The following INMT variants were observed in gnomAD, a reference collection of about 807,000 sequenced individuals.
INMT encodes the protein indolethylamine N-methyltransferase.
INMT carries 11 observed loss-of-function variants against 11.5 expected under a neutral mutation model. The ratio of observed to expected loss-of-function variants is 0.95; its 90% CI spans 0.60 to 1.58. The LOEUF (loss-of-function observed/expected upper bound fraction) is 1.58. Ranked by LOEUF, INMT falls within the 40% of genes most tolerant of loss-of-function variation. The pLI, the probability that INMT is intolerant of heterozygous loss-of-function variation, is 0.00. For missense variants in INMT, 316 were observed against 336.1 expected (o/e 0.94, Z 0.47); for synonymous variants, 155 against 142.9 (o/e 1.08, Z -0.60).
chr7:30,756,861 T>G lies in INMT; in HGVS notation c.*1010T>G, dbSNP rs960502465. 3 of 152,216 alleles carry G rather than the reference T, an allele frequency of 2.0e-5. No homozygotes were observed. Among genetic ancestry groups the G allele is most frequent in the Non-Finnish European group, 4.4e-5 (3 of 68,046 alleles). The allele number at this position is 152,216 out of a possible 1,614,324, so 9.4% of individuals were successfully genotyped here. ...ATCTCCTAAATATTTTACAGTTGACTCTCATGAGCTGATTGGAGTCAGCTG... is the reference window on the plus strand; with the variant it reads ...ATCTCCTAAATATTTTACAGTTGACGCTCATGAGCTGATTGGAGTCAGCTG... On this transcript the variant is annotated 3_prime_UTR_variant, in exon 3 of 3. Transcript: ENST00000013222.
chr7:30,752,953 G>A (rs896984290), intron 1 of INMT, among the ~76,000 whole-genome samples: 1 of 152,192 alleles, frequency 6.6e-6, no homozygotes, highest in African/African-American at 2.4e-5. Context: ...ACTTGACTGG[G>A]GAACAGTAAG....
In INMT at chr7:30,752,320, C is replaced by A; in HGVS notation, c.154+16C>A. ...TTCGGCCCTGGTGAGCAGAGGGTGG[C>A]CCTTCCCCTTGAGCCTCTCTCCAAG... is the stretch of plus-strand genomic sequence containing the variant. On this transcript the variant is annotated intron_variant, in intron 1 of 2. Transcript: ENST00000013222. 2 of 1,604,702 alleles carry A rather than the reference C, an allele frequency of 1.2e-6. No homozygotes were observed. Among genetic ancestry groups the A allele is most frequent in the Non-Finnish European group, 1.7e-6 (2 of 1,172,062 alleles).
Position 30,753,955 on chromosome 7 carries a change from TG to T in INMT, c.362+21del, listed in dbSNP as rs767126501. The T allele has an allele frequency of 6.2e-7, 1 of 1,610,524 alleles. No homozygotes were observed. Among genetic ancestry groups the T allele is most frequent in the South Asian group, 1.1e-5 (1 of 90,892 alleles). On this transcript the variant is annotated intron_variant, in intron 2 of 2. Transcript: ENST00000013222. ...AGGAAACAGGTAGGGGTGCAGAGGT[TG>T]GGGAGGGGGTTCCCAGTCAACCTTC...
Position 30,755,921 on chromosome 7 carries a change from A to G in INMT, c.*70A>G. The stretch of plus-strand genomic sequence containing the variant: ...GCCATCTGTATGCTAGAGAGGGGTG[A>G]GGAATGGATACTGTCTAACAGTCTC... On this transcript the variant is annotated 3_prime_UTR_variant, in exon 3 of 3. Transcript: ENST00000013222. The G allele has an allele frequency of 2.6e-6, 4 of 1,524,956 alleles. No homozygotes were observed. The highest frequency in any genetic ancestry group is 3.5e-6 in the Non-Finnish European group (4 of 1,141,474). 94.5% of individuals were successfully genotyped at this position (1,524,956 alleles called of 1,614,324 possible). A position where few individuals can be genotyped will look rare whatever the true frequency, so the allele number is the denominator to read the frequency against.
Position 30,757,465 on chromosome 7 carries a change from GA to G in INMT, c.*1616del. On this transcript the variant is annotated 3_prime_UTR_variant, in exon 3 of 3. Transcript: ENST00000013222. ...GAGAAAAAGTTAAGCTGCTGACCCT[GA>G]AGGCAAGGGAGAGCAGGCTGCACAG... 5.3e-6 allele frequency: 1 copy of G among 187,808 alleles called. No individual in the cohort carries two copies. The highest frequency in any genetic ancestry group is 6.1e-5 in the Admixed American group (1 of 16,268). The allele number at this position is 187,808 out of a possible 1,614,324, so 11.6% of individuals were successfully genotyped here.
chr7:30,753,829 G>C lies in INMT; in HGVS notation c.253G>C (p.Asp85His). ...CDSFQDITLS[D>H]FTDRNREELE... is the part of the protein sequence containing the mutation. Reference sequence around the variant, plus strand: ...TTCCTTCCAAGACATCACTCTCTCCGACTTTACCGACCGCAACCGGGAGGA... The same window carrying C: ...TTCCTTCCAAGACATCACTCTCTCCCACTTTACCGACCGCAACCGGGAGGA... Residue 85 changes from aspartate (D) to histidine (H), a missense_variant, in exon 2 of 3, where the codon GAC becomes CAC. By Grantham distance (81) the Asp-to-His change is moderately conservative (BLOSUM62 -1). Coordinates refer to ENST00000013222, the MANE Select transcript of INMT (RefSeq NM_006774.5). The C allele has an allele frequency of 6.2e-7, 1 of 1,614,168 alleles. No individual in the cohort carries two copies.
At chr7:30,753,470 C>T (rs766704951) in intron 1 of INMT, among the ~76,000 whole-genome samples, 33 of 152,230 alleles carry the variant, frequency 2.2e-4, no homozygotes, top group Admixed American at 1.6e-3. Context: ...AATTGTTTAA[C>T]CTTTTACAGA....
Position 30,755,542 on chromosome 7 carries a change from C to T in INMT, c.483C>T (p.Leu161=). ...TGTTGCCTCTCGCCGACTGTGTGCT[C>T]ACCCTGCTGGCCATGGAGTGTGCCT... is the stretch of plus-strand genomic sequence containing the variant. The part of the protein sequence containing the change: ...PAVLPLADCV[L]TLLAMECACC... Residue 161 remains leucine, a synonymous_variant, in exon 3 of 3, where the codon CTC becomes CTT. Transcript: ENST00000013222. 6.2e-7 allele frequency: 1 copy of T among 1,612,534 alleles called. No homozygotes were observed. The highest frequency in any genetic ancestry group is 8.5e-7 in the Non-Finnish European group (1 of 1,180,018).
At chr7:30,752,353 G>A (rs1341218323) in intron 1 of INMT, 49 bp downstream of exon 1, 4 of 1,492,910 alleles carry the variant, frequency 2.7e-6, no homozygotes, top group Non-Finnish European at 3.7e-6. Context: ...AAGGAACCTG[G>A]ATGGGGATGG....
rs149212813 is a variant in INMT, at chr7:30,753,749, C to T, written c.173C>T (p.Thr58Met). 2.7e-4 allele frequency: 435 copies of T among 1,614,154 alleles called. 1 individual carries two copies. Among genetic ancestry groups the T allele is most frequent in the South Asian group, 2.1e-3 (191 of 91,080 alleles). Residue 58 changes from threonine (T) to methionine (M), a missense_variant, in exon 2 of 3, where the codon ACG (threonine) becomes ATG (methionine). Thr to Met is a moderately conservative substitution (Grantham distance 81). Coordinates refer to ENST00000013222, the MANE Select transcript of INMT (RefSeq NM_006774.5). ...CCCACAGGAGGCCTCCAAGGGGACA[C>T]GCTGATTGACATTGGCTCAGGTCCT... ...TFGPGGLQGD[T>M]LIDIGSGPTI...
chr7:30,752,840 T>A (rs1297803419), intron 1 of INMT, among the ~76,000 whole-genome samples: 1 of 152,158 alleles, frequency 6.6e-6, no homozygotes, highest in African/African-American at 2.4e-5. Context: ...GCACGATGGA[T>A]GGTGACTTCT....
Position 30,756,229 on chromosome 7 carries a change from A to C in INMT, c.*378A>C. The C allele has an allele frequency of 1.0e-6, 1 of 982,758 alleles. No individual in the cohort carries two copies. The highest frequency in any genetic ancestry group is 1.2e-6 in the Non-Finnish European group (1 of 830,986). The allele number at this position is 982,758 out of a possible 1,614,324, so 60.9% of individuals were successfully genotyped here. ...CAAGGAAACCTCTGGACAGTGGTAT[A>C]TTGGGGAATTTTTTTTTTTTTTTTG... is the stretch of plus-strand genomic sequence containing the variant. On this transcript the variant is annotated 3_prime_UTR_variant, in exon 3 of 3. Coordinates refer to ENST00000013222, the MANE Select transcript of INMT (RefSeq NM_006774.5).
intron 2 of INMT, 144 bp from the exon 3 acceptor site, chr7:30,755,278 G>A (rs1699622364): frequency 4.4e-6 from 3 of 685,836 alleles, no homozygotes; most frequent in Non-Finnish European, 4.8e-6. Flanking sequence ...GATTGAAGAA[G>A]AGCCTGCTGT....
At position 30,754,767 on chromosome 7, in the gene INMT, T is replaced by A. The variant is rs960345213; in HGVS notation, c.363-655T>A. 6.6e-6 allele frequency among the ~76,000 whole-genome samples: 1 copy of A among 152,210 alleles called. No homozygotes were observed. The highest frequency in any genetic ancestry group is 1.5e-5 in the Non-Finnish European group (1 of 68,030). On this transcript the variant is annotated intron_variant, in intron 2 of 2. Coordinates refer to ENST00000013222, the MANE Select transcript of INMT (RefSeq NM_006774.5). The surrounding 1 kb of genome is among the most constrained non-coding windows in gnomAD (Gnocchi z 4.9). ...TGTACCTGTGTGACTGACTATATAA[T>A]GTATAATGACGTGAACTCACCACCC...
intron 1 of INMT, 58 bp from the exon 2 acceptor site, chr7:30,753,672 GT>G: frequency 6.7e-7 from 1 of 1,493,916 alleles, no homozygotes; most frequent in Non-Finnish European, 9.3e-7. Flanking sequence ...CCTCATCCCT[GT>G]GTCTGCCTTG....
At position 30,754,876 on chromosome 7, in the gene INMT, A is replaced by G. The variant is rs1039135904; in HGVS notation, c.363-546A>G. 2.6e-5 allele frequency among the ~76,000 whole-genome samples: 4 copies of G among 152,252 alleles called. No individual in the cohort carries two copies. Among genetic ancestry groups the G allele is most frequent in the Admixed American group, 1.3e-4 (2 of 15,298 alleles). ...CTGCCTTTCCCAACCTCGGGTAATC[A>G]CTAATATGGATTTTATGCTTATCAT... On this transcript the variant is annotated intron_variant, in intron 2 of 2. Coordinates refer to ENST00000013222, the MANE Select transcript of INMT (RefSeq NM_006774.5). This position sits in a 1 kb window ranked among gnomAD's most constrained non-coding sequence, Gnocchi z 4.9.
At position 30,756,145 on chromosome 7, in the gene INMT, G is replaced by T; in HGVS notation, c.*294G>T. On this transcript the variant is annotated 3_prime_UTR_variant, in exon 3 of 3. Transcript: ENST00000013222. ...TGGAGCACCCAGGGACGTGGTTTTA[G>T]AGTCTACCTAATATGTTAAGGACAA... 8.5e-7 allele frequency: 1 copy of T among 1,179,714 alleles called. No individual in the cohort carries two copies. The highest frequency in any genetic ancestry group is 1.1e-6 in the Non-Finnish European group (1 of 951,894). The allele number at this position is 1,179,714 out of a possible 1,614,324, so 73.1% of individuals were successfully genotyped here.
intron 1 of INMT, among the ~76,000 whole-genome samples, chr7:30,753,188 C>T (rs1786130673): frequency 6.6e-6 from 1 of 152,190 alleles, no homozygotes; most frequent in Non-Finnish European, 1.5e-5. Context: ...GGGCCATCTT[C>T]CCAGATCATC....
rs753243579 is a variant in INMT, at chr7:30,755,531, G to A, written c.472G>A (p.Asp158Asn). 2.0e-5 allele frequency: 33 copies of A among 1,611,158 alleles called. No homozygotes were observed. The highest frequency in any genetic ancestry group is 7.7e-5 in the South Asian group (7 of 91,084). The stretch of plus-strand genomic sequence containing the variant: ...GGCCCCGGCTGTGTTGCCTCTCGCC[G>A]ACTGTGTGCTCACCCTGCTGGCCAT... ...PLAPAVLPLA[D>N]CVLTLLAMEC... Residue 158 changes from aspartate to asparagine, a missense_variant, in exon 3 of 3, where the codon GAC becomes AAC. By Grantham distance (23) the Asp-to-Asn change is conservative (BLOSUM62 1). Coordinates refer to ENST00000013222, the MANE Select transcript of INMT (RefSeq NM_006774.5).
Sources: gnomAD v4.1 joint callset for allele counts (sites outside exome capture counted in the v4.1 genomes callset) on GRCh38, gnomAD v4.1.1 for gene constraint, Gnocchi (gnomAD v3.1) non-coding constraint, MANE v1.5 for transcripts, NCBI Gene and HGNC (gene_info 2026-07-23, HGNC 2026-07-21) for gene names.